IGF1R: variants seen among roughly 807,000 people sequenced by gnomAD.
The protein encoded by IGF1R is insulin-like growth factor 1 receptor.
A neutral mutation model predicts 144.6 loss-of-function variants in IGF1R; 44 were observed. The ratio of observed to expected loss-of-function variants is 0.30; its 90% CI spans 0.24 to 0.39. The LOEUF is 0.39. Among genes scored for constraint, IGF1R ranks in the 10% least tolerant of loss-of-function variants. IGF1R has a pLI of 1.00. For missense variants in IGF1R, 1,355 were observed against 1,833.7 expected, an observed-to-expected ratio of 0.74 and a Z score of 4.77; for synonymous variants, 795 against 722.8, an observed-to-expected ratio of 1.10 and a Z score of -1.60.
At chr15:98,755,544 C>T (rs185138479) in intron 2 of IGF1R, among the ~76,000 whole-genome samples, 17 of 151,680 alleles carry the variant, frequency 1.1e-4, no homozygotes, top group Admixed American at 8.5e-4. Context: ...AGTTTGAGAC[C>T]AGCCTGACCA....
At chr15:98,739,645 G>T (rs1042207127) in intron 2 of IGF1R, among the ~76,000 whole-genome samples, 9 of 152,030 alleles carry the variant, frequency 5.9e-5, no homozygotes, top group African/African-American at 2.2e-4. Context: ...AAGAGTCTCT[G>T]TTGTCCAGGC....
At chr15:98,852,100 CT>C (rs1384080285) in intron 2 of IGF1R, among the ~76,000 whole-genome samples, 1 of 152,324 alleles carries the variant, frequency 6.6e-6, no homozygotes, top group African/African-American at 2.4e-5. Flanking sequence ...TCTTTGGAGA[CT>C]TTCTAAAACC....
At chr15:98,733,560 C>T (rs1458730448) in intron 2 of IGF1R, among the ~76,000 whole-genome samples, 2 of 151,880 alleles carry the variant, frequency 1.3e-5, no homozygotes, top group African/African-American at 4.8e-5. Flanking sequence ...GGAATTCCCT[C>T]TCCGAGGAGC....
chr15:98,736,746 G>T (rs1307447739), intron 2 of IGF1R, among the ~76,000 whole-genome samples: 1 of 151,644 alleles, frequency 6.6e-6, no homozygotes, highest in Non-Finnish European at 1.5e-5. Flanking sequence ...TGATTAGCTG[G>T]GATTACAGGC....
chr15:98,926,157 G>A (rs1001100126), intron 13 of IGF1R, among the ~76,000 whole-genome samples: 1 of 151,902 alleles, frequency 6.6e-6, no homozygotes, highest in African/African-American at 2.4e-5. Context: ...AAAGAAAAAT[G>A]TCGTTTGTGG....
rs1327245413 is a variant in IGF1R at position 98,957,127 on chromosome 15, C to G, written c.3789C>G (p.Ile1263Met). ...PKMRPSFLEI[I>M]SSIKEEMEPG... ...TGAGGCCTTCCTTCCTGGAGATCAT[C>G]AGCAGCATCAAAGAGGAGATGGAGC... Residue 1263 changes from isoleucine (I) to methionine (M), a missense_variant, in exon 21 of 21, where the codon ATC becomes ATG. Physicochemically the swap from Ile to Met is conservative, Grantham distance 10. Around this residue, in one of 7 missense-constraint regions of IGF1R, gnomAD observed 219 missense variants for 188.8 expected, o/e 1.16. Coordinates refer to ENST00000650285, the MANE Select transcript of IGF1R (RefSeq NM_000875.5). 6.2e-7 allele frequency: 1 copy of G among 1,614,220 alleles called. No homozygotes were observed. The highest frequency in any genetic ancestry group is 1.3e-5 in the African/African-American group (1 of 75,060).
chr15:98,955,876 T>G (rs1196779607), intron 20 of IGF1R, among the ~76,000 whole-genome samples: 1 of 152,204 alleles, frequency 6.6e-6, no homozygotes, highest in Admixed American at 6.5e-5. Flanking sequence ...TGTGGCCACT[T>G]TTATGGAAAA....
intron 19 of IGF1R, among the ~76,000 whole-genome samples, chr15:98,945,627 C>T (rs2016521908): frequency 6.6e-6 from 1 of 152,116 alleles, no homozygotes; most frequent in Non-Finnish European, 1.5e-5. Context: ...CTCGGTGCTT[C>T]TGACTGGCTG....
chr15:98,832,479 C>A (rs1397329344), intron 2 of IGF1R, among the ~76,000 whole-genome samples: 1 of 152,178 alleles, frequency 6.6e-6, no homozygotes, highest in African/African-American at 2.4e-5. Context: ...AACCTTCTCA[C>A]GAGTTAGATT....
intron 1 of IGF1R, among the ~76,000 whole-genome samples, chr15:98,693,448 C>A (rs1311084462): frequency 6.6e-6 from 1 of 152,194 alleles, no homozygotes; most frequent in Non-Finnish European, 1.5e-5. Flanking sequence ...TGTCCTTCAG[C>A]CCTGCCTCCT....
intron 5 of IGF1R, among the ~76,000 whole-genome samples, chr15:98,903,584 G>T (rs2014585206): frequency 1.3e-5 from 2 of 152,178 alleles, no homozygotes. Context: ...TATGAATGCT[G>T]GTAGCAGTAT....
chr15:98,751,709 A>G (rs1335307314), intron 2 of IGF1R, among the ~76,000 whole-genome samples: 1 of 152,144 alleles, frequency 6.6e-6, no homozygotes, highest in Admixed American at 6.5e-5. Flanking sequence ...AAAGCTCTTG[A>G]CCCATATGGC....
chr15:98,934,676 T>A, intron 15 of IGF1R, 148 bp from the exon 16 acceptor site: 1 of 718,656 alleles, frequency 1.4e-6, no homozygotes, highest in South Asian at 1.5e-5. Flanking sequence ...ATGTGGAAAG[T>A]TGACATCAAG....
chr15:98,906,610 C>T (rs2014744381), intron 5 of IGF1R, among the ~76,000 whole-genome samples: 1 of 152,226 alleles, frequency 6.6e-6, no homozygotes, highest in African/African-American at 2.4e-5. Context: ...GCAACAGTAG[C>T]GCCAGCTGGG....
intron 1 of IGF1R, among the ~76,000 whole-genome samples, chr15:98,686,962 A>G (rs6598540): frequency 0.33 from 50,882 of 152,154 alleles, 9,458 homozygotes; most frequent in African/African-American, 0.5. Context: ...GAGCCACTGC[A>G]CCTGGCTTAT....
rs548984352 is a variant in IGF1R at position 98,786,353 on chromosome 15, G to T, written c.640+78246G>T. Among the ~76,000 whole-genome samples the T allele has an allele frequency of 2.7e-5, 4 of 148,786 alleles. No individual in the cohort carries two copies. In the South Asian group the frequency reaches 8.9e-4, roughly 33 times the overall value. On this transcript the variant is annotated intron_variant, in intron 2 of 20. Transcript: ENST00000650285. ...CATTGCAAATTGTCTTTACTCAGTGGTTTAATTGTTAACCAGGGAGTTAAT... is the reference window on the plus strand; with the variant it reads ...CATTGCAAATTGTCTTTACTCAGTGTTTTAATTGTTAACCAGGGAGTTAAT...
intron 2 of IGF1R, among the ~76,000 whole-genome samples, chr15:98,757,817 T>C (rs1567113689): frequency 6.6e-6 from 1 of 152,214 alleles, no homozygotes; most frequent in African/African-American, 2.4e-5. Flanking sequence ...ACATTTTGCT[T>C]TATTGCTTTC....
At chr15:98,793,157 A>G (rs559675692) in intron 2 of IGF1R, among the ~76,000 whole-genome samples, 29 of 152,312 alleles carry the variant, frequency 1.9e-4, no homozygotes, top group African/African-American at 7.0e-4. Flanking sequence ...ATTGAGTTCA[A>G]TTTTATGTGA....
At chr15:98,771,400 A>G (rs1442773775) in intron 2 of IGF1R, among the ~76,000 whole-genome samples, 1 of 152,122 alleles carries the variant, frequency 6.6e-6, no homozygotes. Flanking sequence ...GCCGTTTCAT[A>G]GGGGTTCTCA....
Sources: gnomAD v4.1 joint callset for allele counts (sites outside exome capture counted in the v4.1 genomes callset) on GRCh38, gnomAD v4.1.1 for gene constraint, gnomAD v4.1.1 regional missense constraint, MANE v1.5 for transcripts, NCBI Gene and HGNC (gene_info 2026-07-23, HGNC 2026-07-21) for gene names.